The following PRKCB variants were observed in gnomAD, a reference collection of about 807,000 sequenced individuals.
PRKCB encodes protein kinase C beta.
A neutral mutation model predicts 81.5 loss-of-function variants in PRKCB; 13 were observed. The ratio of observed to expected loss-of-function variants is 0.16; its 90% CI spans 0.10 to 0.25. The LOEUF is 0.25. Ranked by LOEUF, PRKCB falls within the 10% of genes least tolerant of loss-of-function variation. The pLI is 1.00. For missense variants in PRKCB, 509 were observed against 875.7 expected (o/e 0.58, Z 5.29); for synonymous variants, 335 against 321.4 (o/e 1.04, Z -0.45).
At chr16:24,020,671 G>A (rs761377827) in intron 3 of PRKCB, among the ~76,000 whole-genome samples, 10 of 152,146 alleles carry the variant, frequency 6.6e-5, no homozygotes, top group African/African-American at 9.7e-5. Flanking sequence ...TGGAGCCTGC[G>A]CTTGTTAATT....
rs546386711 is a variant in PRKCB at position 24,071,839 on chromosome 16, G to T, written c.530-20952G>T. ...AGTTATGGTGGGGGCCGAAGAGGGC[G>T]TTGAGTTGCAGTAACCATGCCCAAG... On this transcript the variant is annotated intron_variant, in intron 5 of 16. Coordinates refer to ENST00000643927, the MANE Select transcript of PRKCB (RefSeq NM_002738.7). 1.5e-3 allele frequency among the ~76,000 whole-genome samples: 224 copies of T among 152,226 alleles called. 1 individual carries two copies. The highest frequency in any genetic ancestry group is 5.2e-3 in the African/African-American group (217 of 41,546).
chr16:24,084,840 C>A (rs1966292270), intron 5 of PRKCB, among the ~76,000 whole-genome samples: 1 of 152,084 alleles, frequency 6.6e-6, no homozygotes, highest in Non-Finnish European at 1.5e-5. Flanking sequence ...ACTAGGGACA[C>A]CCAATAGGTT....
intron 16 of PRKCB, among the ~76,000 whole-genome samples, chr16:24,209,946 G>C (rs1291558508): frequency 1.3e-5 from 2 of 150,024 alleles, no homozygotes; most frequent in African/African-American, 4.9e-5. Context: ...CACACACCCT[G>C]TGTCTACAAA....
At chr16:24,175,454 A>G (rs1311533078) in intron 12 of PRKCB, among the ~76,000 whole-genome samples, 2 of 152,008 alleles carry the variant, frequency 1.3e-5, no homozygotes, top group Non-Finnish European at 1.5e-5. Flanking sequence ...CGTGGAGTTT[A>G]TCTTTCTCAT....
chr16:24,176,894 CAA>C (rs34201635), intron 12 of PRKCB, among the ~76,000 whole-genome samples: 104 of 96,404 alleles, frequency 1.1e-3, no homozygotes, highest in South Asian at 1.8e-3. Flanking sequence ...AACTCCATTT[CAA>C]AAAAAAAAAA....
chr16:24,066,555 G>A (rs542405439), intron 5 of PRKCB, among the ~76,000 whole-genome samples: 3 of 152,058 alleles, frequency 2.0e-5, no homozygotes, highest in Admixed American at 6.5e-5. Context: ...TGACACATCC[G>A]TCAAAATGAA....
At chr16:23,904,081 G>T (rs1963522695) in intron 2 of PRKCB, among the ~76,000 whole-genome samples, 1 of 152,128 alleles carries the variant, frequency 6.6e-6, no homozygotes, top group Non-Finnish European at 1.5e-5. Flanking sequence ...CTATTTCCTT[G>T]TGAATAGCTA....
intron 2 of PRKCB, among the ~76,000 whole-genome samples, chr16:23,881,494 C>T (rs923288735): frequency 1.1e-4 from 17 of 152,242 alleles, no homozygotes; most frequent in African/African-American, 3.9e-4. Context: ...TCAAGTGATC[C>T]ACTCACCTTG....
chr16:24,125,761 C>T (rs188288574), intron 9 of PRKCB, among the ~76,000 whole-genome samples: 6 of 152,290 alleles, frequency 3.9e-5, no homozygotes, highest in Admixed American at 3.3e-4. Context: ...CGTGGATTCT[C>T]TCTGTCTGTG....
chr16:24,055,248 GA>G (rs1744298824), intron 5 of PRKCB, among the ~76,000 whole-genome samples: 1 of 152,214 alleles, frequency 6.6e-6, no homozygotes, highest in Admixed American at 6.5e-5. Context: ...TGACTGCTCT[GA>G]AACCCCTTCA....
At chr16:24,141,663 A>T (rs1966903812) in intron 9 of PRKCB, among the ~76,000 whole-genome samples, 1 of 152,228 alleles carries the variant, frequency 6.6e-6, no homozygotes, top group Admixed American at 6.5e-5. Flanking sequence ...AAACCAGGGT[A>T]CATAGTTCCT....
chr16:24,087,351 A>G (rs1567369583), intron 5 of PRKCB, among the ~76,000 whole-genome samples: 1 of 152,162 alleles, frequency 6.6e-6, no homozygotes, highest in South Asian at 2.1e-4. Context: ...AGATAACCCA[A>G]TGTTATCGGC....
At chr16:23,839,627 AG>A (rs1231995009) in intron 2 of PRKCB, among the ~76,000 whole-genome samples, 1 of 112,448 alleles carries the variant, frequency 8.9e-6, no homozygotes, top group African/African-American at 2.8e-5. Context: ...CTCCCCACCA[AG>A]AGGCAGCGTA....
chr16:23,921,182 G>A (rs1020253393), intron 2 of PRKCB, among the ~76,000 whole-genome samples: 11 of 152,152 alleles, frequency 7.2e-5, no homozygotes, highest in African/African-American at 2.4e-4. Flanking sequence ...TGGGGCCACA[G>A]CCAAACCATA....
At position 23,962,336 on chromosome 16, in the gene PRKCB, C is replaced by T. The variant is rs543571223; in HGVS notation, c.206-26172C>T. Reference sequence around the variant, plus strand: ...GCCAGTTGGGTTTCCATCTCTCCCTCATCCGTCCCAACCCCCACCTAATTT... The same window carrying T: ...GCCAGTTGGGTTTCCATCTCTCCCTTATCCGTCCCAACCCCCACCTAATTT... On this transcript the variant is annotated intron_variant, in intron 2 of 16. Transcript: ENST00000643927. Among the ~76,000 whole-genome samples, 7 of 152,338 alleles carry T rather than the reference C, an allele frequency of 4.6e-5. No homozygotes were observed. In the South Asian group the frequency reaches 1.4e-3, roughly 32 times the overall value.
intron 10 of PRKCB, among the ~76,000 whole-genome samples, chr16:24,158,045 T>A (rs1290112937): frequency 6.6e-6 from 1 of 152,168 alleles, no homozygotes; most frequent in Non-Finnish European, 1.5e-5. Flanking sequence ...TCTCAGTTGT[T>A]GAGGGTCTGA....
intron 1 of PRKCB, among the ~76,000 whole-genome samples, chr16:23,836,625 A>T (rs7184668): frequency 6.6e-6 from 1 of 151,784 alleles, no homozygotes; most frequent in Non-Finnish European, 1.5e-5. Flanking sequence ...GCGTCGCGGG[A>T]GCCTTTGCTC....
At chr16:24,205,228 G>A (rs1167988133) in intron 16 of PRKCB, among the ~76,000 whole-genome samples, 2 of 143,406 alleles carry the variant, frequency 1.4e-5, no homozygotes, top group Non-Finnish European at 3.0e-5. Flanking sequence ...ATAGCTCACT[G>A]CAGCCTCCAG....
At chr16:23,887,917 G>T (rs1296418835) in intron 2 of PRKCB, among the ~76,000 whole-genome samples, 3 of 152,158 alleles carry the variant, frequency 2.0e-5, no homozygotes, top group Admixed American at 2.0e-4. Context: ...CCAGCTGGGG[G>T]TGCTGGGCCC....
Sources: gnomAD v4.1 joint callset for allele counts (sites outside exome capture counted in the v4.1 genomes callset) on GRCh38, gnomAD v4.1.1 for gene constraint, MANE v1.5 for transcripts, NCBI Gene and HGNC (gene_info 2026-07-23, HGNC 2026-07-21) for gene names.